SPIDR: variants seen among roughly 807,000 people sequenced by gnomAD.
The protein encoded by SPIDR is DNA repair-scaffolding protein.
A neutral mutation model predicts 104.6 loss-of-function variants in SPIDR; 93 were observed. That is an observed-to-expected ratio of 0.89 (90% CI 0.75 to 1.06). SPIDR has a LOEUF of 1.06. SPIDR is among the 50% of genes least tolerant of loss of function. SPIDR has a pLI of 0.00. For missense variants in SPIDR, 1,154 were observed against 1,111.2 expected (o/e 1.04, Z -0.55); for synonymous variants, 431 against 416.9 (o/e 1.03, Z -0.41).
At chr8:47,305,939 G>A (rs2043019194) in intron 5 of SPIDR, among the ~76,000 whole-genome samples, 1 of 152,104 alleles carries the variant, frequency 6.6e-6, no homozygotes, top group East Asian at 1.9e-4. Context: ...TTTTCATCTT[G>A]TAAAATTGAA....
At chr8:47,502,552 C>A (rs1014392010) in intron 8 of SPIDR, among the ~76,000 whole-genome samples, 1 of 152,044 alleles carries the variant, frequency 6.6e-6, no homozygotes, top group Non-Finnish European at 1.5e-5. Context: ...GTCTTGCTAG[C>A]AGTCTATGAA....
At chr8:47,403,775 A>G (rs1235066524) in intron 6 of SPIDR, among the ~76,000 whole-genome samples, 10 of 152,210 alleles carry the variant, frequency 6.6e-5, no homozygotes, top group Non-Finnish European at 1.2e-4. Context: ...TGGCCATATT[A>G]CCCAAGGTAA....
In SPIDR at chr8:47,683,367, C is replaced by A. The variant is rs1397603704; in HGVS notation, c.1685+9426C>A. ...ACTCCAGAGAGCAGCAGGTTAATAACACTTTTGCTGTAGTGGGTGAACATC... is the reference window on the plus strand; with the variant it reads ...ACTCCAGAGAGCAGCAGGTTAATAAAACTTTTGCTGTAGTGGGTGAACATC... On this transcript the variant is annotated intron_variant, in intron 11 of 19. Transcript: ENST00000297423. Among the ~76,000 whole-genome samples, 3 of 152,208 alleles carry A rather than the reference C, an allele frequency of 2.0e-5. No homozygotes were observed. In the South Asian group the frequency reaches 6.2e-4, roughly 31 times the overall value.
At chr8:47,338,432 T>C (rs1484411748) in intron 5 of SPIDR, among the ~76,000 whole-genome samples, 2 of 152,198 alleles carry the variant, frequency 1.3e-5, no homozygotes, top group Non-Finnish European at 2.9e-5. Flanking sequence ...TTAGTAATGA[T>C]TGAACCAGCA....
At chr8:47,693,628 C>G (rs2078970477) in intron 11 of SPIDR, among the ~76,000 whole-genome samples, 1 of 152,072 alleles carries the variant, frequency 6.6e-6, no homozygotes, top group Non-Finnish European at 1.5e-5. Flanking sequence ...ACACATAGAG[C>G]CTGCCCTCAG....
chr8:47,411,084 A>G (rs1322846085), intron 7 of SPIDR, among the ~76,000 whole-genome samples: 1 of 152,150 alleles, frequency 6.6e-6, no homozygotes, highest in Non-Finnish European at 1.5e-5. Context: ...GTTGGTTCCA[A>G]GTCTTTGCTA....
intron 8 of SPIDR, 65 bp from the exon 9 acceptor site, chr8:47,595,746 T>G: frequency 6.7e-7 from 1 of 1,493,958 alleles, no homozygotes; most frequent in East Asian, 2.3e-5. Context: ...CATTCCTGAT[T>G]TAGCAAGAAT....
At chr8:47,662,928 G>A (rs1400541550) in intron 10 of SPIDR, among the ~76,000 whole-genome samples, 1 of 152,232 alleles carries the variant, frequency 6.6e-6, no homozygotes, top group African/African-American at 2.4e-5. Flanking sequence ...AAACCTGCTG[G>A]TGCCTTGATC....
chr8:47,491,189 GT>G (rs1554739240), intron 8 of SPIDR, among the ~76,000 whole-genome samples: 9 of 152,006 alleles, frequency 5.9e-5, no homozygotes, highest in South Asian at 2.1e-4. Flanking sequence ...GGTCGTTTAA[GT>G]TTTTTACTGA....
chr8:47,422,059 G>GC (rs2065583862), intron 7 of SPIDR, among the ~76,000 whole-genome samples: 1 of 152,190 alleles, frequency 6.6e-6, no homozygotes, highest in Admixed American at 6.5e-5. Context: ...GGAGGTCAGG[G>GC]CCCCACTTGA....
At chr8:47,721,675 C>T (rs544189443) in intron 16 of SPIDR, among the ~76,000 whole-genome samples, 1 of 152,114 alleles carries the variant, frequency 6.6e-6, no homozygotes, top group South Asian at 2.1e-4. Flanking sequence ...CGGGGTTTCA[C>T]CATGTTAGCC....
intron 7 of SPIDR, among the ~76,000 whole-genome samples, chr8:47,423,673 G>A (rs939563858): frequency 2.0e-5 from 3 of 152,184 alleles, no homozygotes; most frequent in South Asian, 2.1e-4. Flanking sequence ...GCCTTGCAGA[G>A]AATGCAGTTT....
chr8:47,464,266 A>C (rs2074414609), intron 8 of SPIDR, among the ~76,000 whole-genome samples: 2 of 152,212 alleles, frequency 1.3e-5, no homozygotes, highest in South Asian at 4.1e-4. Context: ...TTAAGTAAAC[A>C]GTATCGACTA....
rs2063006140 is a variant in SPIDR at position 47,408,144 on chromosome 8, A to C, written c.877+183A>C. On this transcript the variant is annotated intron_variant, in intron 7 of 19. Transcript: ENST00000297423. Reference sequence around the variant, plus strand: ...TAAATATATTTAACTTGATGAGTTTAAAAATAAGCATACTCTTATGAAAAC... The same window carrying C: ...TAAATATATTTAACTTGATGAGTTTCAAAATAAGCATACTCTTATGAAAAC... The C allele has an allele frequency of 8.4e-6, 3 of 358,356 alleles. No homozygotes were observed. In the South Asian group the frequency reaches 2.0e-4, roughly 24 times the overall value. 22.2% of individuals were successfully genotyped at this position (358,356 alleles called of 1,614,324 possible). A position where few individuals can be genotyped will look rare whatever the true frequency, so the allele number is the denominator to read the frequency against.
intron 8 of SPIDR, among the ~76,000 whole-genome samples, chr8:47,537,327 G>C (rs1183119311): frequency 6.6e-6 from 1 of 152,160 alleles, no homozygotes; most frequent in African/African-American, 2.4e-5. Flanking sequence ...TCTCCAGTAG[G>C]TGAATGGATA....
chr8:47,505,512 C>G (rs894298967), intron 8 of SPIDR, among the ~76,000 whole-genome samples: 2 of 152,162 alleles, frequency 1.3e-5, no homozygotes, highest in African/African-American at 4.8e-5. Flanking sequence ...GGGAGTGACC[C>G]AATTTTCCAG....
At chr8:47,302,891 T>C (rs1014407547) in intron 5 of SPIDR, among the ~76,000 whole-genome samples, 1 of 152,220 alleles carries the variant, frequency 6.6e-6, no homozygotes, top group African/African-American at 2.4e-5. Context: ...TACTCGAGGG[T>C]CAGGGACCCA....
At chr8:47,266,193 G>C (rs907890585) in intron 1 of SPIDR, among the ~76,000 whole-genome samples, 1 of 147,462 alleles carries the variant, frequency 6.8e-6, no homozygotes, top group Admixed American at 6.8e-5. Context: ...GCAATAGCGC[G>C]ATCTCGGCTC....
rs529683800 is a variant in SPIDR, at chr8:47,728,825, C to T, written c.2436-108C>T. On this transcript the variant is annotated intron_variant, in intron 17 of 19. Transcript: ENST00000297423. ...AAACTTGATTCTGAGAGTAAAGCCC[C>T]GTTTTCTAGCTCAGCAGACACTCAT... 775 of 1,328,774 alleles carry T rather than the reference C, an allele frequency of 5.8e-4. 8 individuals are homozygous for T. The South Asian group carries it at 0.011, about 18-fold the overall frequency. The allele number at this position is 1,328,774 out of a possible 1,614,324, so 82.3% of individuals were successfully genotyped here.
Sources: allele counts gnomAD v4.1 joint callset (sites outside exome capture counted in the v4.1 genomes callset), GRCh38; gene constraint gnomAD v4.1.1; transcripts MANE v1.5; gene names NCBI Gene and HGNC (gene_info 2026-07-23, HGNC 2026-07-21).